ARPC4: variants seen among roughly 807,000 people sequenced by gnomAD.
ARPC4 encodes the protein actin related protein 2/3 complex subunit 4.
ARPC4 carries 3 observed loss-of-function variants against 22.8 expected under a neutral mutation model. The observed-to-expected ratio is 0.13, with a 90% CI of 0.06 to 0.34. The LOEUF (loss-of-function observed/expected upper bound fraction) is 0.34, where lower values mean the gene tolerates loss of function less well. ARPC4 is among the 10% of genes least tolerant of loss of function. ARPC4 has a pLI of 1.00. For missense variants in ARPC4, 98 were observed against 211.0 expected (o/e 0.46, Z 3.32); for synonymous variants, 80 against 72.5 (o/e 1.10, Z -0.52).
chr3:9,793,814 C>G (rs888560985), intron 1 of ARPC4, among the ~76,000 whole-genome samples: 5 of 152,070 alleles, frequency 3.3e-5, no homozygotes, highest in African/African-American at 1.2e-4. Context: ...CTTTGGATGA[C>G]CATCTCCCTC....
intron 1 of ARPC4, among the ~76,000 whole-genome samples, chr3:9,794,414 G>T (rs1052588034): frequency 6.6e-6 from 1 of 152,126 alleles, no homozygotes; most frequent in African/African-American, 2.4e-5. Context: ...CAGGAGAATG[G>T]CGTGAACCCA....
chr3:9,799,299 C>T (rs6774930), intron 2 of ARPC4, among the ~76,000 whole-genome samples: 99,747 of 152,036 alleles, frequency 0.66, 33,327 homozygotes, highest in Middle Eastern at 0.84. Context: ...TTGAGTATCT[C>T]TTATCCAAAA....
At chr3:9,802,393 T>C (rs1453354205) in intron 4 of ARPC4, among the ~76,000 whole-genome samples, 3 of 151,644 alleles carry the variant, frequency 2.0e-5, no homozygotes, top group East Asian at 3.9e-4. Flanking sequence ...TTTTTTTCTT[T>C]GAGACGGAGT....
chr3:9,800,008 C>A, intron 2 of ARPC4, 177 bp from the exon 3 acceptor site: 1 of 704,732 alleles, frequency 1.4e-6, no homozygotes, highest in South Asian at 1.5e-5. Context: ...GACTTCAGAG[C>A]CTGTGCTCTT....
intron 1 of ARPC4, 25 bp from the exon 2 acceptor site, chr3:9,797,634 C>T (rs767971176): frequency 3.1e-6 from 5 of 1,605,292 alleles, no homozygotes; most frequent in Non-Finnish European, 4.3e-6. Context: ...TTGATCTTCC[C>T]TTTCCTCTGT....
intron 3 of ARPC4, 73 bp from the exon 4 acceptor site, chr3:9,801,588 A>C: frequency 1.4e-6 from 2 of 1,457,690 alleles, no homozygotes; most frequent in African/African-American, 1.4e-5. Flanking sequence ...CTGGAGTCAG[A>C]AGACCAGGCT....
At chr3:9,792,747 G>A (rs1046455227), upstream of ARPC4, 1 of 1,243,690 alleles carries the variant, frequency 8.0e-7, no homozygotes, top group Non-Finnish European at 1.0e-6. Flanking sequence ...AGAACCGGAA[G>A]AAACGAAGGG....
At chr3:9,793,727 TC>T (rs1324866421) in intron 1 of ARPC4, among the ~76,000 whole-genome samples, 2 of 151,748 alleles carry the variant, frequency 1.3e-5, no homozygotes, top group African/African-American at 4.9e-5. Flanking sequence ...CTGGAAGTCC[TC>T]CCTTTTTCAT....
chr3:9,793,324 A>T (rs1182769724), intron 1 of ARPC4, 200 bp downstream of exon 1: 1 of 1,109,638 alleles, frequency 9.0e-7, no homozygotes, highest in African/African-American at 1.6e-5. Flanking sequence ...CCCTGGTATG[A>T]AGTGGGCCTT....
intron 5 of ARPC4, 65 bp from the exon 6 acceptor site, chr3:9,806,145 C>T (rs879208689): frequency 1.9e-6 from 3 of 1,586,352 alleles, no homozygotes; most frequent in South Asian, 1.1e-5. Context: ...CATGCACCTC[C>T]TTAGAGCAGT....
At chr3:9,793,981 A>C (rs1284622289) in intron 1 of ARPC4, among the ~76,000 whole-genome samples, 3 of 151,994 alleles carry the variant, frequency 2.0e-5, no homozygotes, top group Non-Finnish European at 4.4e-5. Context: ...CAAAACTCAT[A>C]TTCTATTCTA....
chr3:9,806,515 T>TA lies in ARPC4; in HGVS notation c.*300_*301insA. On this transcript the variant is annotated 3_prime_UTR_variant, in exon 6 of 6. Transcript: ENST00000397261. ...CTTGTAGGATACTGTAACCTTTTTGTCTTTTTTTTTTTTTTTTTTTTTAAA... is the reference window on the plus strand; with the variant it reads ...CTTGTAGGATACTGTAACCTTTTTGTACTTTTTTTTTTTTTTTTTTTTTAAA... 2.6e-6 allele frequency: 1 copy of TA among 377,480 alleles called. No individual in the cohort carries two copies. Among genetic ancestry groups the TA allele is most frequent in the Non-Finnish European group, 4.7e-6 (1 of 213,326 alleles). 23.4% of individuals were successfully genotyped at this position (377,480 alleles called of 1,614,324 possible).
At position 9,803,926 on chromosome 3, in the gene ARPC4, C is replaced by A; in HGVS notation, c.414C>A (p.Phe138Leu). The change falls in exon 5 of 6, where the codon TTC (phenylalanine) becomes TTA (leucine). Residue 138 changes from phenylalanine (F) to leucine (L), a missense_variant. Phe to Leu is a conservative substitution (Grantham distance 22, BLOSUM62 0). Transcript: ENST00000397261. ...AGTTGGTGGACTTTGTGATCCACTT[C>A]ATGGAGGAGATTGACAAGGAGATCA... ...KHKLVDFVIH[F>L]MEEIDKEISE... The A allele has an allele frequency of 6.2e-7, 1 of 1,614,232 alleles. No homozygotes were observed. The highest frequency in any genetic ancestry group is 8.5e-7 in the Non-Finnish European group (1 of 1,180,032).
intron 1 of ARPC4, 99 bp downstream of exon 1, chr3:9,793,223 A>G: frequency 7.2e-7 from 1 of 1,394,068 alleles, no homozygotes; most frequent in Non-Finnish European, 9.5e-7. Context: ...CGCGGGGCCG[A>G]GGGATGTCCG....
chr3:9,806,202 C>G lies in ARPC4; in HGVS notation c.502-8C>G. 1 of 1,613,908 alleles carries G rather than the reference C, an allele frequency of 6.2e-7. No individual in the cohort carries two copies. Among genetic ancestry groups the G allele is most frequent in the Non-Finnish European group, 8.5e-7 (1 of 1,179,792 alleles). On this transcript the variant is annotated splice_polypyrimidine_tract_variant and splice_region_variant and intron_variant, in intron 5 of 5. Transcript: ENST00000397261. The stretch of plus-strand genomic sequence containing the variant: ...CCACCATGCACTGCCTCTTGGTTCT[C>G]TTGACAGTTTTAAACCATCTGGCTG...
chr3:9,804,476 T>G (rs963782104), intron 5 of ARPC4, among the ~76,000 whole-genome samples: 2 of 151,832 alleles, frequency 1.3e-5, no homozygotes, highest in Non-Finnish European at 3.0e-5. Flanking sequence ...TTTCCATCAC[T>G]TGCATGGCGT....
chr3:9,792,795 C>G, upstream of ARPC4: 1 of 1,265,310 alleles, frequency 7.9e-7, no homozygotes, highest in Non-Finnish European at 1.0e-6. Context: ...GGTGCCCAAT[C>G]TGAAGCTGGG....
chr3:9,796,677 C>T (rs1023474903), intron 1 of ARPC4, among the ~76,000 whole-genome samples: 1 of 152,076 alleles, frequency 6.6e-6, no homozygotes, highest in Non-Finnish European at 1.5e-5. Flanking sequence ...TGTGGTGGCT[C>T]ACGCCTGTAA....
At chr3:9,797,905 C>A in intron 2 of ARPC4, 128 bp downstream of exon 2, 1 of 991,834 alleles carries the variant, frequency 1.0e-6, no homozygotes, top group Non-Finnish European at 1.4e-6. Flanking sequence ...TGTCTTGCTG[C>A]CAGCTGAATG....
Sources: allele counts gnomAD v4.1 joint callset (sites outside exome capture counted in the v4.1 genomes callset), GRCh38; gene constraint gnomAD v4.1.1; transcripts MANE v1.5; gene names NCBI Gene and HGNC (gene_info 2026-07-23, HGNC 2026-07-21).